The following F3 variants were observed in gnomAD, a reference collection of about 807,000 sequenced individuals.
F3 encodes tissue factor.
Under a neutral mutation model 33.5 loss-of-function variants are expected in F3, and 18 were observed. The observed-to-expected ratio is 0.54, with a 90% CI of 0.37 to 0.80. The LOEUF (loss-of-function observed/expected upper bound fraction) is 0.80, where lower values mean the gene tolerates loss of function less well. Among genes scored for constraint, F3 ranks in the 30% least tolerant of loss-of-function variants. The pLI is 0.00. For missense variants in F3, 353 were observed against 362.1 expected, an observed-to-expected ratio of 0.97 and a Z score of 0.20; for synonymous variants, 147 against 140.7, an observed-to-expected ratio of 1.05 and a Z score of -0.32.
At chr1:94,532,216 T>C (rs778521807) in intron 5 of F3, 105 bp downstream of exon 5, 3 of 1,145,472 alleles carry the variant, frequency 2.6e-6, no homozygotes, top group Non-Finnish European at 3.6e-6. Context: ...TTTTCCTGAA[T>C]ATTTAACCAA....
In F3 at chr1:94,532,358, C is replaced by T. The variant is rs374251411; in HGVS notation, c.714G>A (p.Pro238=). 21 of 1,614,080 alleles carry T rather than the reference C, an allele frequency of 1.3e-5. No individual in the cohort carries two copies. The African/African-American group carries it at 2.1e-4, about 16-fold the overall frequency. ...RTVNRKSTDS[P]VECMGQEKGE... is the part of the protein sequence containing the mutation. ...CTTTCTCCTGGCCCATACACTCTAC[C>T]GGGCTGTCTGTACTCTTCCGGTTAA... Residue 238 remains proline, a synonymous_variant, in exon 5 of 6, where the codon CCG becomes CCA. Coordinates refer to ENST00000334047, the MANE Select transcript of F3 (RefSeq NM_001993.5).
chr1:94,538,169 G>A (rs550706819), intron 2 of F3, among the ~76,000 whole-genome samples: 1 of 152,188 alleles, frequency 6.6e-6, no homozygotes, highest in Non-Finnish European at 1.5e-5. Flanking sequence ...AAAACCCTCT[G>A]ATTTGGAATT....
chr1:94,535,712 T>C (rs1471631591), intron 3 of F3, among the ~76,000 whole-genome samples: 1 of 152,020 alleles, frequency 6.6e-6, no homozygotes, highest in Non-Finnish European at 1.5e-5. Context: ...AGCCGGTTAC[T>C]GAGGACAGTA....
intron 2 of F3, among the ~76,000 whole-genome samples, chr1:94,539,716 T>C (rs1215663334): frequency 6.6e-6 from 1 of 152,138 alleles, no homozygotes; most frequent in African/African-American, 2.4e-5. Flanking sequence ...CAGCAGAGTA[T>C]TTCTGCTCTG....
At chr1:94,536,245 G>T (rs1340571379) in intron 2 of F3, 81 bp from the exon 3 acceptor site, 2 of 1,265,128 alleles carry the variant, frequency 1.6e-6, no homozygotes, top group Non-Finnish European at 1.1e-6. Flanking sequence ...CCTGGCTGTG[G>T]TGTTCTGTGC....
rs769155316 is a variant in F3 at position 94,533,208 on chromosome 1, G to C, written c.473C>G (p.Thr158Ser). The change falls in exon 4 of 6, where the codon ACC becomes AGC. Residue 158 changes from threonine (T) to serine (S), a missense_variant. Thr to Ser is a moderately conservative substitution (Grantham distance 58). Coordinates refer to ENST00000334047, the MANE Select transcript of F3 (RefSeq NM_001993.5). ...GACTAAAGTCCGTTCATCTTCTACG[G>C]TCACATTCACTTTTGTTCCCACCTG... ...FEQVGTKVNVTVEDERTLVRR... is the reference protein window; with the variant it reads ...FEQVGTKVNVSVEDERTLVRR... 2.7e-5 allele frequency: 43 copies of C among 1,613,630 alleles called. No individual in the cohort carries two copies. The highest frequency in any genetic ancestry group is 3.3e-5 in the Non-Finnish European group (39 of 1,179,962).
chr1:94,536,811 G>A lies in F3; in HGVS notation c.213-647C>T, dbSNP rs181360021. Among the ~76,000 whole-genome samples the A allele has an allele frequency of 3.2e-3, 485 of 152,150 alleles. 2 individuals carry two copies. The highest frequency in any genetic ancestry group is 0.011 in the African/African-American group (472 of 41,504). ...ATATAGTGAGTCTACATAATAACAT[G>A]TTATACATATATTCTCTCATGACCA... is the stretch of plus-strand genomic sequence containing the variant. On this transcript the variant is annotated intron_variant, in intron 2 of 5. Coordinates refer to ENST00000334047, the MANE Select transcript of F3 (RefSeq NM_001993.5).
At position 94,529,728 on chromosome 1, in the gene F3, G is replaced by C. The variant is rs1651358506; in HGVS notation, c.*732C>G. On this transcript the variant is annotated 3_prime_UTR_variant, in exon 6 of 6. Coordinates refer to ENST00000334047, the MANE Select transcript of F3 (RefSeq NM_001993.5). ...CATATGTTAGAAAAGTCCTAGAAAT[G>C]CACCCAATTTCCTTCCATTTTACTT... 1 of 151,984 alleles carries C rather than the reference G, an allele frequency of 6.6e-6. No homozygotes were observed. Among genetic ancestry groups the C allele is most frequent in the Non-Finnish European group, 1.5e-5 (1 of 67,994 alleles). 9.4% of individuals were successfully genotyped at this position (151,984 alleles called of 1,614,324 possible).
chr1:94,538,765 T>C (rs1651686377), intron 2 of F3, among the ~76,000 whole-genome samples: 1 of 152,088 alleles, frequency 6.6e-6, no homozygotes, highest in Non-Finnish European at 1.5e-5. Flanking sequence ...ATTCCTGGGG[T>C]GGGCAGGAGA....
intron 5 of F3, 121 bp from the exon 6 acceptor site, chr1:94,530,717 A>G: frequency 1.7e-6 from 2 of 1,143,912 alleles, no homozygotes; most frequent in East Asian, 2.5e-5. Context: ...ACTTTCTTTC[A>G]CTCTTTCCAC....
chr1:94,537,026 A>G (rs1403135460), intron 2 of F3, among the ~76,000 whole-genome samples: 1 of 152,180 alleles, frequency 6.6e-6, no homozygotes, highest in African/African-American at 2.4e-5. Context: ...CGAGTGGCAG[A>G]GCTGGGTCTG....
intron 3 of F3, among the ~76,000 whole-genome samples, chr1:94,535,211 G>A (rs952201208): frequency 2.6e-5 from 4 of 152,276 alleles, no homozygotes; most frequent in Admixed American, 2.6e-4. Flanking sequence ...GGCCTTACAA[G>A]AGAAGCTAAT....
chr1:94,540,440 C>T (rs186167061), intron 1 of F3, 72 bp from the exon 2 acceptor site: 1 of 922,916 alleles, frequency 1.1e-6, no homozygotes, highest in Admixed American at 2.2e-5. Flanking sequence ...GTATAAAACA[C>T]CTTCCCACCT....
intron 3 of F3, among the ~76,000 whole-genome samples, chr1:94,533,659 C>T (rs372785059): frequency 6.6e-6 from 1 of 151,894 alleles, no homozygotes; most frequent in Non-Finnish European, 1.5e-5. Context: ...CCAAGTGTGC[C>T]GCCTCCTACT....
At chr1:94,537,595 T>A (rs1035192958) in intron 2 of F3, among the ~76,000 whole-genome samples, 1 of 152,170 alleles carries the variant, frequency 6.6e-6, no homozygotes, top group Non-Finnish European at 1.5e-5. Flanking sequence ...TAATACATAA[T>A]CTCAGGGAAA....
chr1:94,530,321 A>G lies in F3; in HGVS notation c.*139T>C, dbSNP rs1570859383. The G allele has an allele frequency of 1.0e-6, 1 of 988,280 alleles. No individual in the cohort carries two copies. Among genetic ancestry groups the G allele is most frequent in the African/African-American group, 1.6e-5 (1 of 62,188 alleles). 61.2% of individuals were successfully genotyped at this position (988,280 alleles called of 1,614,324 possible). A position where few individuals can be genotyped will look rare whatever the true frequency, so the allele number is the denominator to read the frequency against. On this transcript the variant is annotated 3_prime_UTR_variant, in exon 6 of 6. Coordinates refer to ENST00000334047, the MANE Select transcript of F3 (RefSeq NM_001993.5). ...AAACCAGAATGCTAATGGTAATAACAGGTCATATCAAGAGTTTTTTGAACT... is the reference window on the plus strand; with the variant it reads ...AAACCAGAATGCTAATGGTAATAACGGGTCATATCAAGAGTTTTTTGAACT...
intron 2 of F3, among the ~76,000 whole-genome samples, chr1:94,537,562 T>C (rs924126583): frequency 1.3e-5 from 2 of 152,204 alleles, no homozygotes; most frequent in Admixed American, 6.5e-5. Context: ...GACTATTAGA[T>C]GGTTTGCATT....
chr1:94,541,722 A>G lies in F3; in HGVS notation c.-86T>C. The G allele has an allele frequency of 2.4e-6, 2 of 830,882 alleles. No homozygotes were observed. The highest frequency in any genetic ancestry group is 1.8e-5 in the African/African-American group (1 of 56,346). 51.5% of individuals were successfully genotyped at this position (830,882 alleles called of 1,614,324 possible). On this transcript the variant is annotated 5_prime_UTR_variant, in exon 1 of 6. Coordinates refer to ENST00000334047, the MANE Select transcript of F3 (RefSeq NM_001993.5). ...GGGCTGAAGGCGCCCTGGGCCGGCC[A>G]GAGGGAGTGCGAGGGGGTGCGGGGA...
rs3917609 is a variant in F3 at position 94,538,688 on chromosome 1, C to A, written c.212+1569G>T. On this transcript the variant is annotated intron_variant, in intron 2 of 5. Coordinates refer to ENST00000334047, the MANE Select transcript of F3 (RefSeq NM_001993.5). ...GTAGTCATGAATAAATCCCTCACTT[C>A]TCAGAGCAACAGTTTCCTCAACTGT... Among the ~76,000 whole-genome samples the A allele has an allele frequency of 9.7e-3, 1,483 of 152,326 alleles. 30 individuals carry two copies. Among genetic ancestry groups the A allele is most frequent in the African/African-American group, 0.035 (1,436 of 41,572 alleles).
Sources: gnomAD v4.1 joint callset for allele counts (sites outside exome capture counted in the v4.1 genomes callset) on GRCh38, gnomAD v4.1.1 for gene constraint, MANE v1.5 for transcripts, NCBI Gene and HGNC (gene_info 2026-07-23, HGNC 2026-07-21) for gene names.